TCF12: variants seen among roughly 807,000 people sequenced by gnomAD.
TCF12 encodes the protein transcription factor 12, also known as DNA-binding protein HTF4.
TCF12 carries 45 observed loss-of-function variants against 86.0 expected under a neutral mutation model. That is an observed-to-expected ratio of 0.52 (90% CI 0.41 to 0.67). The LOEUF is 0.67. TCF12 is among the 30% of genes least tolerant of loss of function. TCF12 has a pLI of 0.00. For synonymous variants in TCF12, 330 were observed against 299.6 expected (o/e 1.10, Z -1.05); for missense variants, 881 against 859.9 (o/e 1.02, Z -0.31).
chr15:57,253,438 C>T lies in TCF12; in HGVS notation c.1437C>T (p.Ser479=). 1 of 1,614,030 alleles carries T rather than the reference C, an allele frequency of 6.2e-7. No individual in the cohort carries two copies. The highest frequency in any genetic ancestry group is 8.5e-7 in the Non-Finnish European group (1 of 1,179,972). The change falls in exon 16 of 21, where the codon AGC becomes AGT. Residue 479 remains serine (S), a synonymous_variant. Transcript: ENST00000333725. The stretch of plus-strand genomic sequence containing the variant: ...TCAATTCAAACTATGGAGGATCAAG[C>T]CTTGTTGCAAGCAGTCGATCAGCTT... The part of the protein sequence containing the change: ...GSLNSNYGGS[S]LVASSRSASM...
intron 5 of TCF12, among the ~76,000 whole-genome samples, chr15:57,112,203 A>C (rs1348905054): frequency 6.6e-6 from 1 of 152,158 alleles, no homozygotes; most frequent in Non-Finnish European, 1.5e-5. Flanking sequence ...TTGGGTAGAA[A>C]GGCCTGGGGG....
At chr15:57,133,747 T>C (rs1209621087) in intron 5 of TCF12, among the ~76,000 whole-genome samples, 1 of 152,236 alleles carries the variant, frequency 6.6e-6, no homozygotes, top group African/African-American at 2.4e-5. Flanking sequence ...GAGTTTGTTT[T>C]TGCTTACCTT....
At chr15:57,109,496 A>G (rs1025914472) in intron 5 of TCF12, among the ~76,000 whole-genome samples, 1 of 152,210 alleles carries the variant, frequency 6.6e-6, no homozygotes, top group Non-Finnish European at 1.5e-5. Flanking sequence ...TATTTTGTTT[A>G]TCCTTTTTCT....
chr15:57,075,521 A>G (rs1217957307), intron 4 of TCF12, among the ~76,000 whole-genome samples: 1 of 152,156 alleles, frequency 6.6e-6, no homozygotes, highest in Non-Finnish European at 1.5e-5. Context: ...TGGGAAAAAC[A>G]GAGATTATTG....
chr15:56,921,692 T>G (rs1298724469), intron 3 of TCF12, among the ~76,000 whole-genome samples: 2 of 152,046 alleles, frequency 1.3e-5, no homozygotes, highest in Non-Finnish European at 2.9e-5. Context: ...CATGACAGCA[T>G]CATCTTAAGA....
rs186192579 is a variant in TCF12, at chr15:57,015,014, G to A, written c.149-48736G>A. Among the ~76,000 whole-genome samples the A allele has an allele frequency of 8.8e-3, 1,345 of 152,120 alleles. 14 individuals carry two copies. Among genetic ancestry groups the A allele is most frequent in the South Asian group, 0.018 (85 of 4,818 alleles). On this transcript the variant is annotated intron_variant, in intron 3 of 20. Transcript: ENST00000333725. ...GTTACAAGTGCCTTAAATAGTCCAG[G>A]CGTGGTGGCTCACACCTGTAATTCC...
At chr15:57,019,097 T>C (rs1357158185) in intron 3 of TCF12, among the ~76,000 whole-genome samples, 1 of 152,226 alleles carries the variant, frequency 6.6e-6, no homozygotes, top group Non-Finnish European at 1.5e-5. Flanking sequence ...GAAAAGAGTT[T>C]TTAGGAATCA....
intron 16 of TCF12, among the ~76,000 whole-genome samples, chr15:57,258,832 G>A (rs989673113): frequency 1.2e-4 from 18 of 152,244 alleles, no homozygotes; most frequent in Non-Finnish European, 2.6e-4. Context: ...CTTAGTTACA[G>A]GAGACTTTAA....
chr15:57,068,608 G>C (rs1457320591), intron 4 of TCF12, among the ~76,000 whole-genome samples: 1 of 152,172 alleles, frequency 6.6e-6, no homozygotes, highest in Non-Finnish European at 1.5e-5. Context: ...CATGATGAGT[G>C]CTCTATACAT....
chr15:57,251,007 A>G (rs1290514419), intron 13 of TCF12, among the ~76,000 whole-genome samples: 4 of 151,544 alleles, frequency 2.6e-5, no homozygotes, highest in Non-Finnish European at 5.9e-5. Flanking sequence ...GTACAATGCT[A>G]TAGGAAGGGG....
At chr15:57,154,232 T>G (rs765729921) in intron 5 of TCF12, among the ~76,000 whole-genome samples, 81 of 152,184 alleles carry the variant, frequency 5.3e-4, no homozygotes, top group Non-Finnish European at 9.6e-4. Context: ...GAATAGGGTC[T>G]TCGCTAGATG....
chr15:57,085,488 G>C (rs549602588), intron 4 of TCF12, among the ~76,000 whole-genome samples: 17 of 152,178 alleles, frequency 1.1e-4, no homozygotes, highest in Non-Finnish European at 1.9e-4. Context: ...CCTTGTGAGA[G>C]ATTAGTGAGT....
At chr15:57,106,231 A>G (rs567636748) in intron 5 of TCF12, among the ~76,000 whole-genome samples, 51 of 152,350 alleles carry the variant, frequency 3.3e-4, no homozygotes, top group African/African-American at 1.1e-3. Context: ...ACATAGGTAG[A>G]AAAAATAGTG....
At chr15:57,067,030 A>T (rs1383964131) in intron 4 of TCF12, among the ~76,000 whole-genome samples, 1 of 152,178 alleles carries the variant, frequency 6.6e-6, no homozygotes, top group African/African-American at 2.4e-5. Flanking sequence ...CAAACTTCTT[A>T]TCTCTGTGTT....
chr15:57,206,676 C>G (rs1005175636), intron 8 of TCF12, among the ~76,000 whole-genome samples: 2 of 148,344 alleles, frequency 1.3e-5, no homozygotes, highest in African/African-American at 4.9e-5. Flanking sequence ...CATCCTCCAC[C>G]TCCTGTACTC....
chr15:56,982,483 G>A (rs1003312508), intron 3 of TCF12, among the ~76,000 whole-genome samples: 2 of 152,168 alleles, frequency 1.3e-5, no homozygotes, highest in East Asian at 3.8e-4. Flanking sequence ...TCACTTTCCA[G>A]TGACCTGATA....
intron 5 of TCF12, among the ~76,000 whole-genome samples, chr15:57,093,853 A>G (rs918326241): frequency 3.4e-4 from 52 of 152,320 alleles, no homozygotes; most frequent in African/African-American, 1.2e-3. Flanking sequence ...AAAAATCTGC[A>G]TTCATGTGAA....
rs191205108 is a variant in TCF12 at position 57,164,011 on chromosome 15, G to C, written c.326-2391G>C. On this transcript the variant is annotated intron_variant, in intron 5 of 20. Coordinates refer to ENST00000333725, the MANE Select transcript of TCF12 (RefSeq NM_207037.2). ...TGCTTTGCAAAAAACAGAAGATTGT[G>C]GGGAGGGGTCTGGTGGAGAGGGCAT... is the stretch of plus-strand genomic sequence containing the variant. 4.2e-3 allele frequency among the ~76,000 whole-genome samples: 639 copies of C among 152,294 alleles called. 5 individuals are homozygous for C. Among genetic ancestry groups the C allele is most frequent in the Non-Finnish European group, 3.9e-3 (263 of 68,024 alleles).
chr15:57,134,099 T>C (rs1316521071), intron 5 of TCF12, among the ~76,000 whole-genome samples: 2 of 152,246 alleles, frequency 1.3e-5, no homozygotes, highest in Non-Finnish European at 2.9e-5. Context: ...CAAGAAATTA[T>C]TTATTAGGTT....
Sources: allele counts gnomAD v4.1 joint callset (sites outside exome capture counted in the v4.1 genomes callset), GRCh38; gene constraint gnomAD v4.1.1; transcripts MANE v1.5; gene names NCBI Gene and HGNC (gene_info 2026-07-23, HGNC 2026-07-21).